Variants in TNPO3 observed in about 807,000 individuals in gnomAD.
TNPO3 encodes the protein transportin-3.
A neutral mutation model predicts 122.8 loss-of-function variants in TNPO3; 65 were observed. The ratio of observed to expected loss-of-function variants is 0.53; its 90% CI spans 0.43 to 0.65. The LOEUF (loss-of-function observed/expected upper bound fraction) is 0.65, where lower values mean the gene tolerates loss of function less well. TNPO3 is among the 30% of genes least tolerant of loss of function. The pLI is 0.00. For missense variants in TNPO3, 850 were observed against 1,136.7 expected (o/e 0.75, Z 3.63); for synonymous variants, 372 against 411.2 (o/e 0.90, Z 1.15).
chr7:129,000,612 T>C, intron 6 of TNPO3, 45 bp from the exon 7 acceptor site: 1 of 1,572,286 alleles, frequency 6.4e-7, no homozygotes, highest in Non-Finnish European at 8.7e-7. Context: ...GAAATCTGGA[T>C]ATTATAAGTA....
chr7:128,981,353 T>C (rs1799609063), intron 14 of TNPO3, among the ~76,000 whole-genome samples: 1 of 152,238 alleles, frequency 6.6e-6, no homozygotes, highest in Non-Finnish European at 1.5e-5. Context: ...AATTACTCTT[T>C]GAAAACTGTC....
At position 128,993,129 on chromosome 7, in the gene TNPO3, G is replaced by T. The variant is rs74570065; in HGVS notation, c.1266+678C>A. Among the ~76,000 whole-genome samples the T allele has an allele frequency of 5.4e-4, 61 of 112,836 alleles. 2 individuals carry two copies. In the East Asian group the frequency reaches 0.015, roughly 27 times the overall value. The allele number at this position is 112,836 out of a possible 152,430, so 74.0% of individuals were successfully genotyped here. On this transcript the variant is annotated intron_variant, in intron 9 of 22. Transcript: ENST00000265388. The stretch of plus-strand genomic sequence containing the variant: ...ACCCAAATATACAAAAAATGACTGA[G>T]TTACCAAAAAAAAAAAAATTAGGTT...
chr7:128,979,536 T>G (rs1288804154), intron 15 of TNPO3, among the ~76,000 whole-genome samples: 5 of 152,232 alleles, frequency 3.3e-5, no homozygotes, highest in Non-Finnish European at 1.5e-5. Context: ...CACTTAAGAG[T>G]ATTTAGTGTT....
intron 12 of TNPO3, among the ~76,000 whole-genome samples, 165 bp from the exon 13 acceptor site, chr7:128,984,424 G>T (rs944933461): frequency 2.6e-5 from 4 of 152,134 alleles, no homozygotes; most frequent in Non-Finnish European, 5.9e-5. Flanking sequence ...ATTTACAGTT[G>T]TTTTTTCTTT....
At chr7:129,046,766 A>C (rs1808102554) in intron 1 of TNPO3, among the ~76,000 whole-genome samples, 1 of 152,216 alleles carries the variant, frequency 6.6e-6, no homozygotes, top group African/African-American at 2.4e-5. Context: ...CGGAAGACGA[A>C]GGAAGAGCAA....
At chr7:128,963,198 C>T (rs2128983562) in intron 21 of TNPO3, among the ~76,000 whole-genome samples, 1 of 152,240 alleles carries the variant, frequency 6.6e-6, no homozygotes, top group Middle Eastern at 3.4e-3. Context: ...TAGTACTAAC[C>T]CTATTTCACT....
At chr7:128,980,540 T>C (rs530676815) in intron 14 of TNPO3, among the ~76,000 whole-genome samples, 2 of 152,198 alleles carry the variant, frequency 1.3e-5, no homozygotes, top group East Asian at 1.9e-4. Flanking sequence ...TCCCAGCTAC[T>C]TGGGAGGCTG....
intron 18 of TNPO3, among the ~76,000 whole-genome samples, chr7:128,973,470 C>T (rs1798692191): frequency 6.6e-6 from 1 of 151,800 alleles, no homozygotes; most frequent in Non-Finnish European, 1.5e-5. Flanking sequence ...GGCGTGGTGG[C>T]TCAGGCCTGT....
intron 4 of TNPO3, among the ~76,000 whole-genome samples, chr7:129,014,141 G>T (rs1263960712): frequency 1.3e-5 from 2 of 152,204 alleles, no homozygotes; most frequent in African/African-American, 4.8e-5. Context: ...CCTACACAAA[G>T]AAATGATAAA....
intron 1 of TNPO3, among the ~76,000 whole-genome samples, chr7:129,023,997 T>C (rs959216318): frequency 2.6e-5 from 4 of 152,214 alleles, no homozygotes; most frequent in Non-Finnish European, 5.9e-5. Flanking sequence ...GGATTGAAGA[T>C]AGCTGCGAAT....
intron 3 of TNPO3, among the ~76,000 whole-genome samples, chr7:129,016,651 C>G (rs982220127): frequency 2.0e-5 from 3 of 152,274 alleles, no homozygotes; most frequent in African/African-American, 7.2e-5. Flanking sequence ...ATAACAACCT[C>G]CCATTTAATA....
Position 128,986,800 on chromosome 7 carries a change from C to A in TNPO3, c.1619G>T (p.Gly540Val), listed in dbSNP as rs1253825836. Residue 540 changes from glycine to valine, a missense_variant, in exon 12 of 23, where the codon GGA becomes GTA. By Grantham distance (109) the Gly-to-Val change is moderately radical (BLOSUM62 -3). Coordinates refer to ENST00000265388, the MANE Select transcript of TNPO3 (RefSeq NM_012470.4). ...CRDHMAQHFN[G>V]LLEIARSLDS... is the part of the protein sequence containing the mutation. Reference sequence around the variant, plus strand: ...GAGGGAGCGGGCAATCTCCAGGAGTCCATTAAAGTGCTGAGCCATGTGATC... The same window carrying A: ...GAGGGAGCGGGCAATCTCCAGGAGTACATTAAAGTGCTGAGCCATGTGATC... The A allele has an allele frequency of 1.2e-6, 2 of 1,614,090 alleles. No individual in the cohort carries two copies. Among genetic ancestry groups the A allele is most frequent in the South Asian group, 1.1e-5 (1 of 91,076 alleles).
At chr7:129,039,712 T>G (rs1208583024) in intron 1 of TNPO3, among the ~76,000 whole-genome samples, 3 of 152,200 alleles carry the variant, frequency 2.0e-5, no homozygotes, top group Non-Finnish European at 4.4e-5. Context: ...ATGTGGTATA[T>G]ATGTTGAATG....
At chr7:129,023,694 C>T (rs1384585244) in intron 1 of TNPO3, among the ~76,000 whole-genome samples, 1 of 152,148 alleles carries the variant, frequency 6.6e-6, no homozygotes, top group East Asian at 1.9e-4. Flanking sequence ...CCACCACAGG[C>T]CATTTTTGGT....
At chr7:129,037,961 C>T (rs1473302604) in intron 1 of TNPO3, among the ~76,000 whole-genome samples, 1 of 152,070 alleles carries the variant, frequency 6.6e-6, no homozygotes, top group Non-Finnish European at 1.5e-5. Flanking sequence ...ACTGAGGCCG[C>T]CCTACCAGAG....
In TNPO3 at chr7:129,017,502, GC is replaced by G. The variant is rs1255198771; in HGVS notation, c.322-447del. 3.9e-4 allele frequency among the ~76,000 whole-genome samples: 59 copies of G among 152,198 alleles called. 1 individual carries two copies. Among genetic ancestry groups the G allele is most frequent in the Non-Finnish European group, 2.9e-4 (20 of 68,012 alleles). On this transcript the variant is annotated intron_variant, in intron 2 of 22. Coordinates refer to ENST00000265388, the MANE Select transcript of TNPO3 (RefSeq NM_012470.4). ...TTGTCATCTTGAAGACTTAAGAAAA[GC>G]CTCCTCTTTAAGGGCACTTCTATGC...
At position 128,955,320 on chromosome 7, in the gene TNPO3, G is replaced by A; in HGVS notation, c.*97C>T. The A allele has an allele frequency of 2.2e-6, 1 of 455,840 alleles. No homozygotes were observed. Among genetic ancestry groups the A allele is most frequent in the Non-Finnish European group, 4.4e-6 (1 of 226,920 alleles). 28.2% of individuals were successfully genotyped at this position (455,840 alleles called of 1,614,324 possible). ...TGAAGGCCCCTCTGCCACAACGGAG[G>A]TTTCTGATTGTGGGACACAGTCTGG... On this transcript the variant is annotated 3_prime_UTR_variant, in exon 23 of 23. Coordinates refer to ENST00000265388, the MANE Select transcript of TNPO3 (RefSeq NM_012470.4).
chr7:129,005,948 A>C (rs1563100727), intron 4 of TNPO3, among the ~76,000 whole-genome samples: 1 of 151,334 alleles, frequency 6.6e-6, no homozygotes, highest in African/African-American at 2.4e-5. Context: ...TACCCAGCTA[A>C]TTTTTTTGTA....
At chr7:129,046,053 G>C (rs1254843785) in intron 1 of TNPO3, among the ~76,000 whole-genome samples, 2 of 151,972 alleles carry the variant, frequency 1.3e-5, no homozygotes, top group African/African-American at 4.8e-5. Context: ...CAAAAAATTA[G>C]CCAGGCATGG....
Sources: gnomAD v4.1 joint callset for allele counts (sites outside exome capture counted in the v4.1 genomes callset) on GRCh38, gnomAD v4.1.1 for gene constraint, MANE v1.5 for transcripts, NCBI Gene and HGNC (gene_info 2026-07-23, HGNC 2026-07-21) for gene names.